Variants in CLCA4 observed in about 807,000 individuals in gnomAD.
The protein encoded by CLCA4 is calcium-activated chloride channel regulator 4.
Under a neutral mutation model 78.9 loss-of-function variants are expected in CLCA4, and 69 were observed. The ratio of observed to expected loss-of-function variants is 0.87; its 90% CI spans 0.72 to 1.07. The LOEUF (loss-of-function observed/expected upper bound fraction) is 1.07. Ranked by LOEUF, CLCA4 falls within the 50% of genes least tolerant of loss-of-function variation. The pLI, the probability that CLCA4 is intolerant of heterozygous loss-of-function variation, is 0.00. For synonymous variants in CLCA4, 362 were observed against 375.8 expected, an observed-to-expected ratio of 0.96 and a Z score of 0.42; for missense variants, 1,133 against 1,095.8, an observed-to-expected ratio of 1.03 and a Z score of -0.48.
intron 1 of CLCA4, chr1:86,552,981 C>CT (rs1159443734): frequency 1.6e-6 from 1 of 625,822 alleles, no homozygotes; most frequent in Non-Finnish European, 2.9e-6. Flanking sequence ...AAACTGAGCC[C>CT]TGTGCGTGGC....
chr1:86,556,385 C>G (rs1649843829), intron 1 of CLCA4, among the ~76,000 whole-genome samples: 1 of 151,728 alleles, frequency 6.6e-6, no homozygotes, highest in South Asian at 2.1e-4. Context: ...CCTTCAATAC[C>G]TACGTTATTG....
At position 86,578,189 on chromosome 1, in the gene CLCA4, G is replaced by T. The variant is rs1371744320; in HGVS notation, c.2122+117G>T. ...CAAAATATAGCTTTTCCCATTTATGGAATAAAGTTCTCAGTCATACTAGGA... is the reference window on the plus strand; with the variant it reads ...CAAAATATAGCTTTTCCCATTTATGTAATAAAGTTCTCAGTCATACTAGGA... On this transcript the variant is annotated intron_variant, in intron 12 of 13. Coordinates refer to ENST00000370563, the MANE Select transcript of CLCA4 (RefSeq NM_012128.4). The T allele has an allele frequency of 5.2e-6, 5 of 957,000 alleles. No individual in the cohort carries two copies. The East Asian group carries it at 8.3e-5, about 16-fold the overall frequency. 59.3% of individuals were successfully genotyped at this position (957,000 alleles called of 1,614,324 possible).
chr1:86,570,588 T>A (rs1650320855), intron 7 of CLCA4, among the ~76,000 whole-genome samples: 1 of 152,114 alleles, frequency 6.6e-6, no homozygotes, highest in African/African-American at 2.4e-5. Flanking sequence ...ATTTTTTCTT[T>A]ATAAGCATAC....
At chr1:86,552,221 T>C (rs1251379673) in intron 1 of CLCA4, among the ~76,000 whole-genome samples, 1 of 152,186 alleles carries the variant, frequency 6.6e-6, no homozygotes, top group Non-Finnish European at 1.5e-5. Context: ...AATATGTATC[T>C]TAAGACAAAA....
intron 1 of CLCA4, among the ~76,000 whole-genome samples, chr1:86,549,082 A>G (rs991720787): frequency 2.6e-5 from 4 of 152,196 alleles, no homozygotes; most frequent in Non-Finnish European, 5.9e-5. Context: ...TAAATGGATC[A>G]CAGGTCAGAT....
At chr1:86,572,482 CTA>C (rs924604142) in intron 8 of CLCA4, 130 bp from the exon 9 acceptor site, 1 of 596,204 alleles carries the variant, frequency 1.7e-6, no homozygotes, top group Non-Finnish European at 3.0e-6. Context: ...ACCTGTACAA[CTA>C]TGTGCTTTTG....
chr1:86,579,329 A>G (rs1650631875), intron 12 of CLCA4, 25 bp from the exon 13 acceptor site: 19 of 1,567,324 alleles, frequency 1.2e-5, no homozygotes, highest in Non-Finnish European at 1.7e-5. Flanking sequence ...TTTGCCCATT[A>G]TAAACCAGGA....
chr1:86,547,297 ATC>A lies in CLCA4; in HGVS notation c.159+21_159+22del, dbSNP rs1649532691. ...AATAGAGGTAAGAACAAAATGGAAT[ATC>A]TTTCATTAATTTTTAGTTTTTTACT... On this transcript the variant is annotated intron_variant, in intron 1 of 13. Transcript: ENST00000370563. 1 of 1,538,454 alleles carries A rather than the reference ATC, an allele frequency of 6.5e-7. No homozygotes were observed. Among genetic ancestry groups the A allele is most frequent in the Non-Finnish European group, 8.7e-7 (1 of 1,145,318 alleles).
intron 11 of CLCA4, among the ~76,000 whole-genome samples, chr1:86,577,432 C>T (rs1466202121): frequency 6.6e-6 from 1 of 152,020 alleles, no homozygotes; most frequent in Non-Finnish European, 1.5e-5. Flanking sequence ...TAAAAATCTC[C>T]AGATTTAGTA....
intron 11 of CLCA4, among the ~76,000 whole-genome samples, chr1:86,576,274 C>T (rs992605546): frequency 1.3e-5 from 2 of 151,968 alleles, no homozygotes; most frequent in African/African-American, 4.8e-5. Flanking sequence ...AGCAGTCCTC[C>T]TATCTCAGCA....
chr1:86,558,928 G>T (rs577169078), intron 1 of CLCA4, among the ~76,000 whole-genome samples: 2 of 152,120 alleles, frequency 1.3e-5, no homozygotes, highest in Admixed American at 1.3e-4. Flanking sequence ...GCCTGATGGG[G>T]TTCCCTTTGT....
rs201535476 is a variant in CLCA4, at chr1:86,547,104, T to G, written c.-16T>G. ...AACAAACCAACATTTGAGCCAGGAATAACTAGAGAGGAACAATGGGGTTAT... is the reference window on the plus strand; with the variant it reads ...AACAAACCAACATTTGAGCCAGGAAGAACTAGAGAGGAACAATGGGGTTAT... On this transcript the variant is annotated 5_prime_UTR_variant, in exon 1 of 14. Coordinates refer to ENST00000370563, the MANE Select transcript of CLCA4 (RefSeq NM_012128.4). 5.1e-5 allele frequency: 81 copies of G among 1,592,086 alleles called. No homozygotes were observed. Among genetic ancestry groups the G allele is most frequent in the Non-Finnish European group, 6.2e-5 (73 of 1,174,768 alleles).
At chr1:86,553,446 G>A (rs1245836733) in intron 1 of CLCA4, 1 of 367,964 alleles carries the variant, frequency 2.7e-6, no homozygotes, top group Non-Finnish European at 4.9e-6. Flanking sequence ...CCAGCAAGCT[G>A]TCGAAGCCTT....
intron 12 of CLCA4, among the ~76,000 whole-genome samples, chr1:86,578,490 G>A (rs1650599586): frequency 6.6e-6 from 1 of 151,882 alleles, no homozygotes; most frequent in Admixed American, 6.6e-5. Flanking sequence ...AGTGCCTATT[G>A]TTACCCTCTT....
In CLCA4 at chr1:86,567,559, A is replaced by C. The variant is rs200285360; in HGVS notation, c.1090A>C (p.Ser364Arg). The C allele has an allele frequency of 3.5e-5, 57 of 1,613,318 alleles. No individual in the cohort carries two copies. Among genetic ancestry groups the C allele is most frequent in the Non-Finnish European group, 3.9e-5 (46 of 1,179,506 alleles). Residue 364 changes from serine (S) to arginine (R), a missense_variant, in exon 7 of 14, where the codon AGC (serine) becomes CGC (arginine). Ser to Arg is a moderately radical substitution (Grantham distance 110). Coordinates refer to ENST00000370563, the MANE Select transcript of CLCA4 (RefSeq NM_012128.4). Reference sequence around the variant, plus strand: ...TGTAAATAAGCTAATCCAAATAAAAAGCAGTGATGAAAGAAACACACTCAT... The same window carrying C: ...TGTAAATAAGCTAATCCAAATAAAACGCAGTGATGAAAGAAACACACTCAT... ...TIVNKLIQIK[S>R]SDERNTLMAG... is the part of the protein sequence containing the mutation.
At position 86,558,845 on chromosome 1, in the gene CLCA4, G is replaced by C. The variant is rs534314107; in HGVS notation, c.160-1087G>C. 2.0e-5 allele frequency among the ~76,000 whole-genome samples: 3 copies of C among 152,274 alleles called. No homozygotes were observed. In the East Asian group the frequency reaches 5.8e-4, roughly 29 times the overall value. ...TACAATTCAAGATAAGATTTGGATG[G>C]GGACACAGTGAAACCATATCAGCTT... On this transcript the variant is annotated intron_variant, in intron 1 of 13. Transcript: ENST00000370563.
chr1:86,561,496 C>G (rs1017135741), intron 3 of CLCA4, among the ~76,000 whole-genome samples: 1 of 152,174 alleles, frequency 6.6e-6, no homozygotes, highest in Non-Finnish European at 1.5e-5. Context: ...CAGTGAAGCA[C>G]TCAAAGCTAC....
intron 1 of CLCA4, among the ~76,000 whole-genome samples, chr1:86,558,486 T>C (rs1232727462): frequency 6.6e-6 from 1 of 152,172 alleles, no homozygotes; most frequent in Admixed American, 6.5e-5. Context: ...GAATGCTGAA[T>C]AAAGGCCCCA....
rs200272807 is a variant in CLCA4, at chr1:86,565,291, C to A, written c.575C>A (p.Ser192Tyr). ...ATTTTCAGGTGTTCCGCAGGTATCT[C>A]TGGTAGAAATAGAGTTTATAAGTGT... ...IEATRCSAGI[S>Y]GRNRVYKCQG... The change falls in exon 5 of 14, where the codon TCT becomes TAT. Residue 192 changes from serine to tyrosine, a missense_variant. Coordinates refer to ENST00000370563, the MANE Select transcript of CLCA4 (RefSeq NM_012128.4). The A allele has an allele frequency of 2.7e-4, 424 of 1,596,724 alleles. No individual in the cohort carries two copies. The highest frequency in any genetic ancestry group is 2.9e-4 in the Non-Finnish European group (344 of 1,173,776).
Sources: allele counts gnomAD v4.1 joint callset (sites outside exome capture counted in the v4.1 genomes callset), GRCh38; gene constraint gnomAD v4.1.1; transcripts MANE v1.5; gene names NCBI Gene and HGNC (gene_info 2026-07-23, HGNC 2026-07-21).